PTH2R: variants seen among roughly 807,000 people sequenced by gnomAD.
PTH2R encodes PTH2 receptor.
In PTH2R, 59 loss-of-function variants were observed where a neutral mutation model predicts 60.3. The ratio of observed to expected loss-of-function variants is 0.98; its 90% CI spans 0.79 to 1.22. The LOEUF (loss-of-function observed/expected upper bound fraction) is 1.22. Among genes scored for constraint, PTH2R ranks in the 50% most tolerant of loss-of-function variants. PTH2R has a pLI of 0.00. For synonymous variants in PTH2R, 256 were observed against 243.8 expected, an observed-to-expected ratio of 1.05 and a Z score of -0.47; for missense variants, 749 against 682.6, an observed-to-expected ratio of 1.10 and a Z score of -1.08.
At chr2:208,444,648 G>A (rs1018406414) in intron 6 of PTH2R, 86 bp from the exon 7 acceptor site, 5 of 1,335,064 alleles carry the variant, frequency 3.7e-6, no homozygotes, top group Non-Finnish European at 5.1e-6. Flanking sequence ...AAAAGAAACT[G>A]AAGACTTGTT....
intron 1 of PTH2R, among the ~76,000 whole-genome samples, chr2:208,398,497 G>A (rs1251818333): frequency 6.6e-6 from 1 of 152,176 alleles, no homozygotes; most frequent in African/African-American, 2.4e-5. Context: ...TTAGACATGT[G>A]TCCTCAGACC....
At chr2:208,393,305 A>T (rs1701144386) in intron 1 of PTH2R, among the ~76,000 whole-genome samples, 1 of 152,174 alleles carries the variant, frequency 6.6e-6, no homozygotes, top group African/African-American at 2.4e-5. Context: ...GAATCAGGGG[A>T]TAAAGAGGTG....
At chr2:208,428,599 C>A (rs1322522031) in intron 2 of PTH2R, among the ~76,000 whole-genome samples, 1 of 152,246 alleles carries the variant, frequency 6.6e-6, no homozygotes, top group Non-Finnish European at 1.5e-5. Flanking sequence ...AGAGAGCATG[C>A]ATACTGATTT....
intron 1 of PTH2R, among the ~76,000 whole-genome samples, chr2:208,377,401 G>A (rs1348261819): frequency 2.0e-5 from 3 of 152,060 alleles, no homozygotes; most frequent in Non-Finnish European, 2.9e-5. Context: ...CCTCCCAGAC[G>A]GGGTGGTGGC....
intron 1 of PTH2R, among the ~76,000 whole-genome samples, chr2:208,411,287 A>G (rs1184146078): frequency 3.3e-5 from 5 of 152,206 alleles, no homozygotes; most frequent in African/African-American, 1.2e-4. Context: ...TCAACATTTG[A>G]TTATCTCTAT....
intron 1 of PTH2R, among the ~76,000 whole-genome samples, chr2:208,420,686 C>T (rs577919095): frequency 6.6e-6 from 1 of 152,242 alleles, no homozygotes; most frequent in African/African-American, 2.4e-5. Flanking sequence ...ACACTAAATA[C>T]CTTTCACGTA....
chr2:208,490,670 G>A lies in PTH2R; in HGVS notation c.1247G>A (p.Cys416Tyr). 6.2e-7 allele frequency: 1 copy of A among 1,609,208 alleles called. No homozygotes were observed. Among genetic ancestry groups the A allele is most frequent in the Admixed American group, 1.7e-5 (1 of 58,478 alleles). Residue 416 changes from cysteine to tyrosine, a missense_variant, in exon 12 of 13, where the codon TGC (cysteine) becomes TAC (tyrosine). Coordinates refer to ENST00000272847, the MANE Select transcript of PTH2R (RefSeq NM_005048.4). ...GFFVSIIYCY[C>Y]NGEVQAEVKK... ...TTTGTGTCTATCATCTACTGCTACT[G>A]CAATGGAGAGGTAGGTTTGTAGGAA... is the stretch of plus-strand genomic sequence containing the variant.
intron 9 of PTH2R, among the ~76,000 whole-genome samples, chr2:208,479,614 T>A (rs919840976): frequency 6.6e-6 from 1 of 152,322 alleles, no homozygotes; most frequent in African/African-American, 2.4e-5. Context: ...CTTTTCACCT[T>A]CTTATTAAAA....
At chr2:208,491,377 G>T (rs1249659998) in intron 12 of PTH2R, among the ~76,000 whole-genome samples, 6 of 152,132 alleles carry the variant, frequency 3.9e-5, no homozygotes, top group African/African-American at 1.2e-4. Context: ...ACCTTATTTT[G>T]CAGGAGGGGT....
intron 1 of PTH2R, 142 bp downstream of exon 1, chr2:208,407,260 C>A: frequency 1.6e-6 from 1 of 619,784 alleles, no homozygotes; most frequent in East Asian, 3.4e-5. Flanking sequence ...CGAGGCGTAC[C>A]CGGCAGGTGC....
At chr2:208,410,764 G>T (rs1047373341) in intron 1 of PTH2R, among the ~76,000 whole-genome samples, 3 of 151,114 alleles carry the variant, frequency 2.0e-5, no homozygotes, top group Non-Finnish European at 4.4e-5. Flanking sequence ...ATAAAAGATT[G>T]TGTGTGTGTG....
At chr2:208,438,850 T>C (rs1443905006) in intron 4 of PTH2R, among the ~76,000 whole-genome samples, 1 of 152,184 alleles carries the variant, frequency 6.6e-6, no homozygotes, top group East Asian at 1.9e-4. Flanking sequence ...GAACTTCCTG[T>C]CTTAACTTTC....
At chr2:208,472,820 T>C (rs1702914840) in intron 9 of PTH2R, among the ~76,000 whole-genome samples, 1 of 152,228 alleles carries the variant, frequency 6.6e-6, no homozygotes, top group Non-Finnish European at 1.5e-5. Context: ...TCAGAGTCTT[T>C]TTTTGCATTA....
intron 9 of PTH2R, among the ~76,000 whole-genome samples, chr2:208,479,229 G>A (rs1016711295): frequency 1.4e-4 from 22 of 152,174 alleles, no homozygotes; most frequent in African/African-American, 5.1e-4. Context: ...TTTTTCTGGG[G>A]GTGGGGGGTG....
At chr2:208,414,895 G>C (rs1701609116) in intron 1 of PTH2R, among the ~76,000 whole-genome samples, 1 of 151,738 alleles carries the variant, frequency 6.6e-6, no homozygotes, top group African/African-American at 2.4e-5. Context: ...TCCATAATGA[G>C]AAAACCATAA....
intron 5 of PTH2R, among the ~76,000 whole-genome samples, chr2:208,442,966 C>T (rs1055820604): frequency 6.6e-6 from 1 of 152,158 alleles, no homozygotes; most frequent in Non-Finnish European, 1.5e-5. Context: ...TCCCCAGATT[C>T]AACAGACTGT....
intron 1 of PTH2R, among the ~76,000 whole-genome samples, chr2:208,376,071 C>G (rs1192219401): frequency 6.6e-6 from 1 of 152,112 alleles, no homozygotes; most frequent in Admixed American, 6.5e-5. Context: ...TATTTAGGCA[C>G]TAACAATTCT....
At chr2:208,438,259 C>T (rs1373411524) in intron 4 of PTH2R, among the ~76,000 whole-genome samples, 2 of 152,128 alleles carry the variant, frequency 1.3e-5, no homozygotes, top group African/African-American at 4.8e-5. Flanking sequence ...TCTGTATATT[C>T]CAGAAGGACC....
At chr2:208,391,885 C>A (rs1303900700) in intron 1 of PTH2R, among the ~76,000 whole-genome samples, 39 of 152,202 alleles carry the variant, frequency 2.6e-4, no homozygotes, top group Non-Finnish European at 2.9e-5. Context: ...CAGTACCTTC[C>A]TGAGAAGCTT....
Sources: gnomAD v4.1 joint callset for allele counts (sites outside exome capture counted in the v4.1 genomes callset) on GRCh38, gnomAD v4.1.1 for gene constraint, MANE v1.5 for transcripts, NCBI Gene and HGNC (gene_info 2026-07-23, HGNC 2026-07-21) for gene names.